IRF2: variants seen among roughly 807,000 people sequenced by gnomAD.
The protein encoded by IRF2 is interferon regulatory factor 2.
IRF2 carries 15 observed loss-of-function variants against 40.6 expected under a neutral mutation model. The ratio of observed to expected loss-of-function variants is 0.37; its 90% CI spans 0.25 to 0.57. The LOEUF is 0.57. Among genes scored for constraint, IRF2 ranks in the 20% least tolerant of loss-of-function variants. The probability of loss-of-function intolerance (pLI) is 0.77; values close to 1 mark genes in which losing one functional copy is unlikely to be tolerated. For missense variants in IRF2, 317 were observed against 455.7 expected, an observed-to-expected ratio of 0.70 and a Z score of 2.77; for synonymous variants, 151 against 165.5, an observed-to-expected ratio of 0.91 and a Z score of 0.67.
rs565659843 is a variant in IRF2, at chr4:184,463,198, T to A, written c.-7+11181A>T. 2.0e-5 allele frequency among the ~76,000 whole-genome samples: 3 copies of A among 152,376 alleles called. No homozygotes were observed. In the East Asian group the frequency reaches 5.8e-4, roughly 29 times the overall value. On this transcript the variant is annotated intron_variant, in intron 1 of 8. Coordinates refer to ENST00000393593, the MANE Select transcript of IRF2 (RefSeq NM_002199.4). ...GGCTGAAGAGATCAGGTATGGTTTG[T>A]GGGGAGAGCCACAGGGAGATTCATA...
intron 5 of IRF2, among the ~76,000 whole-genome samples, chr4:184,414,655 TG>T (rs1172322744): frequency 6.6e-6 from 1 of 152,248 alleles, no homozygotes; most frequent in African/African-American, 2.4e-5. Context: ...ACCTGCCACA[TG>T]GCCAATGGGC....
intron 5 of IRF2, among the ~76,000 whole-genome samples, chr4:184,415,345 C>T (rs751542625): frequency 1.3e-5 from 2 of 152,226 alleles, no homozygotes; most frequent in African/African-American, 2.4e-5. Flanking sequence ...TTGACCCACA[C>T]GGCTGCACCT....
chr4:184,441,187 T>C (rs1222515958), intron 1 of IRF2, among the ~76,000 whole-genome samples: 1 of 152,218 alleles, frequency 6.6e-6, no homozygotes. Flanking sequence ...CAACGCTCCT[T>C]AGGCCTAAAT....
intron 7 of IRF2, among the ~76,000 whole-genome samples, chr4:184,394,128 A>G (rs1329621456): frequency 1.3e-5 from 2 of 152,174 alleles, no homozygotes; most frequent in African/African-American, 4.8e-5. Flanking sequence ...CAAATGAAGA[A>G]GCTGAAGGTG....
intron 1 of IRF2, among the ~76,000 whole-genome samples, chr4:184,437,523 G>A (rs1379873991): frequency 6.6e-6 from 1 of 151,838 alleles, no homozygotes; most frequent in Non-Finnish European, 1.5e-5. Context: ...TAGAGATTAG[G>A]AAAAGCATAG....
chr4:184,390,795 AGCTGTCCCCAG>A, intron 7 of IRF2, 46 bp from the exon 8 acceptor site: 1 of 1,602,082 alleles, frequency 6.2e-7, no homozygotes, highest in Non-Finnish European at 8.6e-7. Context: ...CTGTCCCTCA[AGCTGTCCCCAG>A]GCTCAGGCAG....
intron 2 of IRF2, among the ~76,000 whole-genome samples, chr4:184,427,536 C>T (rs1189822370): frequency 6.6e-6 from 1 of 152,102 alleles, no homozygotes. Context: ...GTCCCAGCTA[C>T]TTGGGAGACA....
intron 6 of IRF2, among the ~76,000 whole-genome samples, chr4:184,403,210 C>T (rs1736730008): frequency 6.6e-6 from 1 of 152,262 alleles, no homozygotes; most frequent in Admixed American, 6.5e-5. Flanking sequence ...GCAGGGAAAT[C>T]CCAATATCGA....
At chr4:184,392,385 A>C (rs1736289147) in intron 7 of IRF2, among the ~76,000 whole-genome samples, 1 of 152,254 alleles carries the variant, frequency 6.6e-6, no homozygotes, top group South Asian at 2.1e-4. Flanking sequence ...AAAATCCAAA[A>C]GTGAAGCTCG....
At chr4:184,399,149 G>C in intron 6 of IRF2, 70 bp from the exon 7 acceptor site, 4 of 1,487,708 alleles carry the variant, frequency 2.7e-6, no homozygotes, top group Non-Finnish European at 3.6e-6. Flanking sequence ...TCTCAAGAAA[G>C]AGTCTTCCCC....
chr4:184,462,474 C>G (rs1313086850), intron 1 of IRF2, among the ~76,000 whole-genome samples: 6 of 152,174 alleles, frequency 3.9e-5, no homozygotes, highest in Non-Finnish European at 7.4e-5. Context: ...CTGTAAAATA[C>G]TATACTTGAT....
intron 1 of IRF2, among the ~76,000 whole-genome samples, chr4:184,440,590 C>T (rs1738268450): frequency 1.3e-5 from 2 of 152,360 alleles, no homozygotes; most frequent in Non-Finnish European, 2.9e-5. Flanking sequence ...AGCAGATGGG[C>T]GGCTGATCGC....
At position 184,413,331 on chromosome 4, in the gene IRF2, C is replaced by G. The variant is rs1035596689; in HGVS notation, c.411+4836G>C. Among the ~76,000 whole-genome samples the G allele has an allele frequency of 6.6e-6, 1 of 152,190 alleles. No homozygotes were observed. The highest frequency in any genetic ancestry group is 6.5e-5 in the Admixed American group (1 of 15,282). The stretch of plus-strand genomic sequence containing the variant: ...CTCTTCCAACTGGGTTCGGAGCTCC[C>G]GTTCTGAGCTACCACATGGGAAGGG... On this transcript the variant is annotated intron_variant, in intron 5 of 8. Transcript: ENST00000393593. The surrounding 1 kb of genome is among the most constrained non-coding windows in gnomAD (Gnocchi z 4.2).
chr4:184,424,650 C>A (rs1262670617), intron 2 of IRF2, among the ~76,000 whole-genome samples: 2 of 152,230 alleles, frequency 1.3e-5, no homozygotes, highest in East Asian at 3.8e-4. Context: ...CCAGATGCAG[C>A]CCCTCAACCT....
chr4:184,445,902 C>T (rs906695734), intron 1 of IRF2, among the ~76,000 whole-genome samples: 2 of 152,158 alleles, frequency 1.3e-5, no homozygotes, highest in Admixed American at 1.3e-4. Flanking sequence ...CAGATATAAT[C>T]AAGTTAAACG....
intron 1 of IRF2, among the ~76,000 whole-genome samples, chr4:184,438,773 T>C (rs1228803642): frequency 6.6e-6 from 1 of 152,020 alleles, no homozygotes; most frequent in East Asian, 1.9e-4. Context: ...TGCTAAGAGG[T>C]AGAAATAAAA....
chr4:184,399,204 C>T, intron 6 of IRF2, 125 bp from the exon 7 acceptor site: 1 of 975,996 alleles, frequency 1.0e-6, no homozygotes, highest in Non-Finnish European at 1.5e-6. Context: ...TGTCCCCTGC[C>T]ATGGGGCTGA....
intron 6 of IRF2, among the ~76,000 whole-genome samples, chr4:184,403,231 G>A (rs912300876): frequency 2.0e-5 from 3 of 152,150 alleles, no homozygotes; most frequent in African/African-American, 7.2e-5. Context: ...AATGCTCTCA[G>A]ATGAGCATCA....
chr4:184,424,028 C>A (rs1737575558), intron 2 of IRF2, among the ~76,000 whole-genome samples: 1 of 151,490 alleles, frequency 6.6e-6, no homozygotes, highest in South Asian at 2.1e-4. Flanking sequence ...TGTATGCTGT[C>A]AGGGAGCTGC....
Sources: allele counts gnomAD v4.1 joint callset (sites outside exome capture counted in the v4.1 genomes callset), GRCh38; gene constraint gnomAD v4.1.1; non-coding constraint Gnocchi (gnomAD v3.1); transcripts MANE v1.5; gene names NCBI Gene and HGNC (gene_info 2026-07-23, HGNC 2026-07-21).